MPRIP: variants seen among roughly 807,000 people sequenced by gnomAD.
MPRIP encodes the protein myosin phosphatase Rho interacting protein, also known as myosin phosphatase Rho-interacting protein.
In MPRIP, 59 loss-of-function variants were observed where a neutral mutation model predicts 234.9. The observed-to-expected ratio is 0.25, with a 90% CI of 0.20 to 0.31. The LOEUF is 0.31. Ranked by LOEUF, MPRIP falls within the 10% of genes least tolerant of loss-of-function variation. The pLI, the probability that MPRIP is intolerant of heterozygous loss-of-function variation, is 1.00. For synonymous variants in MPRIP, 1,144 were observed against 1,263.9 expected, an observed-to-expected ratio of 0.91 and a Z score of 2.01; for missense variants, 2,436 against 3,071.0, an observed-to-expected ratio of 0.79 and a Z score of 4.89.
intron 3 of MPRIP, among the ~76,000 whole-genome samples, chr17:17,100,035 A>G (rs1362719513): frequency 6.6e-6 from 1 of 152,134 alleles, no homozygotes; most frequent in Non-Finnish European, 1.5e-5. Flanking sequence ...TCCTCCTGGG[A>G]TGGCGCTGGG....
rs762419139 is a variant in MPRIP at position 17,052,740 on chromosome 17, C to G, written c.123+9769C>G. Among the ~76,000 whole-genome samples, 3 of 152,342 alleles carry G rather than the reference C, an allele frequency of 2.0e-5. No homozygotes were observed. In the South Asian group the frequency reaches 6.2e-4, roughly 32 times the overall value. On this transcript the variant is annotated intron_variant, in intron 1 of 23. Transcript: ENST00000651222. Reference sequence around the variant, plus strand: ...TCCTCAGCCTCGGGGTGCCCCACATCCCCAACATGGGCTACTGGCCTAGGC... The same window carrying G: ...TCCTCAGCCTCGGGGTGCCCCACATGCCCAACATGGGCTACTGGCCTAGGC...
At chr17:17,045,557 T>G (rs1280145081) in intron 1 of MPRIP, among the ~76,000 whole-genome samples, 20 of 152,230 alleles carry the variant, frequency 1.3e-4, no homozygotes, top group Non-Finnish European at 2.9e-5. Flanking sequence ...GGGTCTACAG[T>G]GGCCACACCA....
At chr17:17,178,273 C>T (rs1157158386) in intron 22 of MPRIP, 1 of 151,984 alleles carries the variant, frequency 6.6e-6, no homozygotes, top group Non-Finnish European at 1.5e-5. Flanking sequence ...TATACAGAGA[C>T]GCACAAACAG....
In MPRIP at chr17:17,045,791, C is replaced by T. The variant is rs144446607; in HGVS notation, c.123+2820C>T. On this transcript the variant is annotated intron_variant, in intron 1 of 23. Coordinates refer to ENST00000651222, the MANE Select transcript of MPRIP (RefSeq NM_001364716.4). ...TTCCTGTGCATTTCTCAGCGACATA[C>T]GGACCCAAATATACAGTTTTTTTTT... Among the ~76,000 whole-genome samples, 16 of 150,956 alleles carry T rather than the reference C, an allele frequency of 1.1e-4. No homozygotes were observed. In the East Asian group the frequency reaches 1.7e-3, roughly 16 times the overall value.
In MPRIP at chr17:17,158,611, A is replaced by G. The variant is rs373437415; in HGVS notation, c.2009A>G (p.Gln670Arg). The G allele has an allele frequency of 2.5e-6, 4 of 1,605,034 alleles. No individual in the cohort carries two copies. In the African/African-American group the frequency reaches 4.0e-5, roughly 16 times the overall value. ...TFDWAEFRPIQQALAQERVGG... is the reference protein window; with the variant it reads ...TFDWAEFRPIRQALAQERVGG... Reference sequence around the variant, plus strand: ...GACTGGGCTGAGTTCCGTCCCATCCAGCAGGCCCTGGCTCAGGAGCGGGTG... The same window carrying G: ...GACTGGGCTGAGTTCCGTCCCATCCGGCAGGCCCTGGCTCAGGAGCGGGTG... The change falls in exon 14 of 24, where the codon CAG becomes CGG. Residue 670 changes from glutamine (Q) to arginine (R), a missense_variant. Around this residue, in one of 4 missense-constraint regions of MPRIP, gnomAD observed 1,998 missense variants for 2,520.3 expected, o/e 0.79. Coordinates refer to ENST00000651222, the MANE Select transcript of MPRIP (RefSeq NM_001364716.4).
At chr17:17,094,224 T>C (rs2089787275) in intron 3 of MPRIP, among the ~76,000 whole-genome samples, 1 of 152,204 alleles carries the variant, frequency 6.6e-6, no homozygotes, top group Admixed American at 6.5e-5. Context: ...CTTGCCTGTC[T>C]CAGGATGCCT....
chr17:17,161,113 TCTG>T (rs1275721922), intron 14 of MPRIP, 124 bp from the exon 15 acceptor site: 1 of 587,280 alleles, frequency 1.7e-6, no homozygotes, highest in East Asian at 3.0e-5. Flanking sequence ...TATCAGCACA[TCTG>T]CTGAAATGTG....
chr17:17,168,365 C>A (rs1170149454), intron 16 of MPRIP: 2 of 236,312 alleles, frequency 8.5e-6, no homozygotes, highest in South Asian at 1.1e-4. Context: ...AGCCAGGGCC[C>A]AGTTGGAGGG....
At chr17:17,090,049 C>T (rs60132526) in intron 3 of MPRIP, among the ~76,000 whole-genome samples, 11,147 of 152,188 alleles carry the variant, frequency 0.073, 1,304 homozygotes, top group African/African-American at 0.25. Context: ...GGTGGGGAGA[C>T]GGAAAAGACT....
At chr17:17,130,897 C>T (rs1160313980) in intron 4 of MPRIP, among the ~76,000 whole-genome samples, 1 of 152,164 alleles carries the variant, frequency 6.6e-6, no homozygotes, top group Non-Finnish European at 1.5e-5. Flanking sequence ...TGATCTAGCT[C>T]CTGATTTCAG....
chr17:17,056,168 A>G (rs2088690148), intron 1 of MPRIP, among the ~76,000 whole-genome samples: 2 of 152,130 alleles, frequency 1.3e-5, no homozygotes, highest in Non-Finnish European at 2.9e-5. Flanking sequence ...GGCTGACCTC[A>G]TTTAGCTTTC....
intron 3 of MPRIP, among the ~76,000 whole-genome samples, chr17:17,113,830 T>G (rs1012356480): frequency 1.3e-5 from 2 of 152,038 alleles, no homozygotes; most frequent in Non-Finnish European, 2.9e-5. Context: ...CTAGTGAATG[T>G]GAACTAGCAT....
chr17:17,069,912 C>A (rs1468933347), intron 1 of MPRIP, among the ~76,000 whole-genome samples: 3 of 152,048 alleles, frequency 2.0e-5, no homozygotes, highest in Non-Finnish European at 2.9e-5. Context: ...TAGAAAACTT[C>A]CTTTGGCCAT....
At chr17:17,094,109 C>T (rs1411328755) in intron 3 of MPRIP, among the ~76,000 whole-genome samples, 6 of 151,878 alleles carry the variant, frequency 4.0e-5, no homozygotes, top group African/African-American at 9.7e-5. Context: ...TTTGTTTGTT[C>T]GTTTTTGTTT....
chr17:17,104,889 G>A (rs1027492403), intron 3 of MPRIP, among the ~76,000 whole-genome samples: 11 of 152,168 alleles, frequency 7.2e-5, no homozygotes, highest in Admixed American at 7.2e-4. Flanking sequence ...CTGGGGCCCA[G>A]TGTGGGCACT....
At chr17:17,105,182 G>A (rs1456815758) in intron 3 of MPRIP, among the ~76,000 whole-genome samples, 2 of 152,176 alleles carry the variant, frequency 1.3e-5, no homozygotes, top group African/African-American at 4.8e-5. Flanking sequence ...CCCAGGGCAG[G>A]GAGCACTGCC....
In MPRIP at chr17:17,157,577, G is replaced by A. The variant is rs549126993; in HGVS notation, c.1830-855G>A. 3.3e-5 allele frequency among the ~76,000 whole-genome samples: 5 copies of A among 152,342 alleles called. No individual in the cohort carries two copies. The South Asian group carries it at 6.2e-4, about 19-fold the overall frequency. On this transcript the variant is annotated intron_variant, in intron 13 of 23. Coordinates refer to ENST00000651222, the MANE Select transcript of MPRIP (RefSeq NM_001364716.4). ...AGGCTGGGCACAGTAGCTCACGCCT[G>A]TAATCCCAGCACTTTGGGAGGCAGG...
intron 12 of MPRIP, among the ~76,000 whole-genome samples, chr17:17,152,489 TC>T: frequency 6.6e-6 from 1 of 152,178 alleles, no homozygotes; most frequent in Non-Finnish European, 1.5e-5. Flanking sequence ...TACTGAGAGT[TC>T]TAAGGAATGA....
In MPRIP at chr17:17,158,731, G is replaced by A. The variant is rs1250214431; in HGVS notation, c.2129G>A (p.Arg710His). The change falls in exon 14 of 24, where the codon CGC (arginine) becomes CAC (histidine). Residue 710 changes from arginine to histidine, a missense_variant. Physicochemically the swap from Arg to His is conservative, Grantham distance 29 (BLOSUM62 0). Coordinates refer to ENST00000651222, the MANE Select transcript of MPRIP (RefSeq NM_001364716.4). The part of the protein sequence containing the change: ...ERERARRREE[R>H]RKRFGMLDAT... Reference sequence around the variant, plus strand: ...GAGCGTGCACGGAGGCGGGAGGAGCGCCGCAAGCGCTTCGGGATGCTCGAC... The same window carrying A: ...GAGCGTGCACGGAGGCGGGAGGAGCACCGCAAGCGCTTCGGGATGCTCGAC... 21 of 1,610,522 alleles carry A rather than the reference G, an allele frequency of 1.3e-5. No individual in the cohort carries two copies. Among genetic ancestry groups the A allele is most frequent in the South Asian group, 3.3e-5 (3 of 91,010 alleles).
Sources: gnomAD v4.1 joint callset for allele counts (sites outside exome capture counted in the v4.1 genomes callset) on GRCh38, gnomAD v4.1.1 for gene constraint, gnomAD v4.1.1 regional missense constraint, MANE v1.5 for transcripts, NCBI Gene and HGNC (gene_info 2026-07-23, HGNC 2026-07-21) for gene names.